NPSR1: variants seen among roughly 807,000 people sequenced by gnomAD.
NPSR1 encodes neuropeptide S receptor.
NPSR1 carries 48 observed loss-of-function variants against 46.9 expected under a neutral mutation model. That is an observed-to-expected ratio of 1.02 (90% CI 0.81 to 1.30). The LOEUF (loss-of-function observed/expected upper bound fraction) is 1.30, where lower values mean the gene tolerates loss of function less well. NPSR1 is among the 50% of genes most tolerant of loss of function. NPSR1 has a pLI of 0.00. For synonymous variants in NPSR1, 176 were observed against 168.1 expected (o/e 1.05, Z -0.36); for missense variants, 450 against 449.5 (o/e 1.00, Z -0.01).
At chr7:34,731,739 A>C (rs1213156003) in intron 2 of NPSR1, among the ~76,000 whole-genome samples, 1 of 152,152 alleles carries the variant, frequency 6.6e-6, no homozygotes, top group East Asian at 1.9e-4. Flanking sequence ...CCAGGAGCTG[A>C]GGGGTTAATA....
intron 1 of NPSR1, among the ~76,000 whole-genome samples, chr7:34,663,917 C>T (rs924263095): frequency 5.3e-5 from 8 of 152,188 alleles, no homozygotes; most frequent in Non-Finnish European, 2.9e-5. Context: ...AGAGTGCAGT[C>T]TGAGGACAGT....
rs559641643 is a variant in NPSR1 at position 34,802,903 on chromosome 7, G to A, written c.385-8867G>A. On this transcript the variant is annotated intron_variant, in intron 3 of 8. Coordinates refer to ENST00000360581, the MANE Select transcript of NPSR1 (RefSeq NM_207172.2). ...CAAACAACCCCATCAAAAAGTGGGCGAAGGACAAGAACAGACACTTCTCAA... is the reference window on the plus strand; with the variant it reads ...CAAACAACCCCATCAAAAAGTGGGCAAAGGACAAGAACAGACACTTCTCAA... Among the ~76,000 whole-genome samples, 556 of 150,458 alleles carry A rather than the reference G, an allele frequency of 3.7e-3. 11 individuals carry two copies. Among genetic ancestry groups the A allele is most frequent in the Middle Eastern group, 6.8e-3 (2 of 294 alleles).
At chr7:34,719,095 G>C (rs113553379) in intron 2 of NPSR1, 1 of 152,530 alleles carries the variant, frequency 6.6e-6, no homozygotes, top group Admixed American at 6.5e-5. Flanking sequence ...TGAGAGAAGT[G>C]GGGGATGGAC....
chr7:34,686,649 C>T (rs1792941632), intron 2 of NPSR1, among the ~76,000 whole-genome samples: 1 of 151,986 alleles, frequency 6.6e-6, no homozygotes, highest in African/African-American at 2.4e-5. Flanking sequence ...TAAATTCTTG[C>T]TCTCTCTCAC....
At chr7:34,799,459 C>T (rs544164269) in intron 3 of NPSR1, among the ~76,000 whole-genome samples, 35 of 151,646 alleles carry the variant, frequency 2.3e-4, no homozygotes, top group African/African-American at 8.5e-4. Flanking sequence ...CATATCCAGC[C>T]AAACTAAGCA....
At chr7:34,783,171 A>T (rs1339108691) in intron 3 of NPSR1, among the ~76,000 whole-genome samples, 1 of 152,212 alleles carries the variant, frequency 6.6e-6, no homozygotes, top group Non-Finnish European at 1.5e-5. Flanking sequence ...GCAATGCATT[A>T]GTCCATTCTC....
chr7:34,859,999 C>T (rs1275650518), intron 8 of NPSR1, among the ~76,000 whole-genome samples: 2 of 151,882 alleles, frequency 1.3e-5, no homozygotes, highest in African/African-American at 4.9e-5. Context: ...AACTTTATTG[C>T]TTCTTCTAAC....
chr7:34,679,154 A>G (rs1160031222), intron 1 of NPSR1, among the ~76,000 whole-genome samples: 1 of 152,198 alleles, frequency 6.6e-6, no homozygotes, highest in African/African-American at 2.4e-5. Flanking sequence ...TAGTGAACAA[A>G]TTAAAATAAA....
Position 34,750,126 on chromosome 7 carries a change from G to A in NPSR1, c.281-28336G>A, listed in dbSNP as rs1785441905. ...GCCTTGCATTTTAAAGATCGTGTAT[G>A]TATTTTTTTTTTTTTTCAAAAAAGG... On this transcript the variant is annotated intron_variant, in intron 2 of 8. Transcript: ENST00000360581. 3 of 260,082 alleles carry A rather than the reference G, an allele frequency of 1.2e-5. No homozygotes were observed. The South Asian group carries it at 1.2e-4, about 11-fold the overall frequency. The allele number at this position is 260,082 out of a possible 1,614,324, so 16.1% of individuals were successfully genotyped here.
At chr7:34,688,287 A>T (rs17776257) in intron 2 of NPSR1, among the ~76,000 whole-genome samples, 33,883 of 152,156 alleles carry the variant, frequency 0.22, 4,019 homozygotes, top group South Asian at 0.33. Context: ...GCACTTGATT[A>T]AAAAATAACC....
intron 2 of NPSR1, among the ~76,000 whole-genome samples, chr7:34,728,208 C>T (rs1784255780): frequency 1.3e-5 from 2 of 151,924 alleles, no homozygotes; most frequent in African/African-American, 4.8e-5. Context: ...GGAAGAGATA[C>T]CCATCAAAAC....
intron 2 of NPSR1, chr7:34,751,514 G>A (rs543289065): frequency 1.3e-6 from 2 of 1,486,518 alleles, no homozygotes; most frequent in African/African-American, 1.4e-5. Flanking sequence ...ACCAGCCCCA[G>A]CTCCTCCTCC....
At chr7:34,751,113 C>A (rs2128723903) in intron 2 of NPSR1, 1 of 831,656 alleles carries the variant, frequency 1.2e-6, no homozygotes, top group East Asian at 2.4e-5. Context: ...GTGGAGTCAT[C>A]ACCAGCCCCA....
chr7:34,790,220 C>A (rs1326776982), intron 3 of NPSR1, among the ~76,000 whole-genome samples: 1 of 151,998 alleles, frequency 6.6e-6, no homozygotes, highest in African/African-American at 2.4e-5. Flanking sequence ...GTTTAACATA[C>A]ACAAATTAAT....
At position 34,872,337 on chromosome 7, in the gene NPSR1, C is replaced by T. The variant is rs573687284; in HGVS notation, c.1026-5739C>T. On this transcript the variant is annotated intron_variant, in intron 8 of 8. Coordinates refer to the NPSR1 transcript ENST00000359791. ...CCCCCTAAGCCACTTTTCTCCTAGG[C>T]CTTTGGACCTATGATGGAAGGGACC... 6.6e-4 allele frequency among the ~76,000 whole-genome samples: 100 copies of T among 152,022 alleles called. 4 individuals carry two copies. The highest frequency in any genetic ancestry group is 2.4e-3 in the African/African-American group (98 of 41,276).
chr7:34,701,894 T>C (rs927688914), intron 2 of NPSR1, among the ~76,000 whole-genome samples: 1 of 152,220 alleles, frequency 6.6e-6, no homozygotes, highest in African/African-American at 2.4e-5. Flanking sequence ...GAAGAACATT[T>C]TTACTTCCAT....
rs991304163 is a variant in NPSR1 at position 34,811,951 on chromosome 7, A to G, written c.478+88A>G. On this transcript the variant is annotated intron_variant, in intron 4 of 8. Transcript: ENST00000360581. Reference sequence around the variant, plus strand: ...TTTCACTAATATTTTACTCTTAATAATAGTGATCTTCCTCCTCTTTCCTTC... The same window carrying G: ...TTTCACTAATATTTTACTCTTAATAGTAGTGATCTTCCTCCTCTTTCCTTC... 16 of 791,886 alleles carry G rather than the reference A, an allele frequency of 2.0e-5. 1 individual carries two copies. In the South Asian group the frequency reaches 2.6e-4, roughly 13 times the overall value. 49.1% of individuals were successfully genotyped at this position (791,886 alleles called of 1,614,324 possible).
intron 1 of NPSR1, chr7:34,660,198 G>T (rs1392580839): frequency 4.4e-6 from 2 of 451,868 alleles, no homozygotes; most frequent in African/African-American, 4.3e-5. Flanking sequence ...CAGCAAAACG[G>T]CTGGACCACT....
At chr7:34,700,449 C>T (rs914543326) in intron 2 of NPSR1, among the ~76,000 whole-genome samples, 1 of 152,160 alleles carries the variant, frequency 6.6e-6, no homozygotes, top group Non-Finnish European at 1.5e-5. Flanking sequence ...TTAATCCTCA[C>T]ACAGGGATTT....
Sources: allele counts gnomAD v4.1 joint callset (sites outside exome capture counted in the v4.1 genomes callset), GRCh38; gene constraint gnomAD v4.1.1; transcripts MANE v1.5; gene names NCBI Gene and HGNC (gene_info 2026-07-23, HGNC 2026-07-21).